RHOA: variants seen among roughly 807,000 people sequenced by gnomAD.
RHOA encodes the protein ras homolog family member A.
RHOA carries 3 observed loss-of-function variants against 17.5 expected under a neutral mutation model. That is an observed-to-expected ratio of 0.17 (90% confidence interval 0.08 to 0.44). RHOA has a LOEUF of 0.44. RHOA is among the 20% of genes least tolerant of loss of function. RHOA has a pLI of 0.99. For synonymous variants in RHOA, 98 were observed against 88.4 expected (o/e 1.11, Z -0.61); for missense variants, 56 against 242.3 (o/e 0.23, Z 5.10).
intron 1 of RHOA, among the ~76,000 whole-genome samples, chr3:49,408,344 C>A (rs6446270): frequency 0.98 from 148,390 of 152,044 alleles, 72,527 homozygotes; most frequent in Middle Eastern, 1. Context: ...TCATCCTCTT[C>A]AAAAAATAAA....
chr3:49,381,648 C>T (rs1338655761), intron 1 of RHOA, among the ~76,000 whole-genome samples: 1 of 151,542 alleles, frequency 6.6e-6, no homozygotes, highest in East Asian at 2.0e-4. Flanking sequence ...CTGTGGATCA[C>T]GATGTCAGGA....
chr3:49,397,641 G>A (rs1483772886), intron 1 of RHOA, among the ~76,000 whole-genome samples: 1 of 152,090 alleles, frequency 6.6e-6, no homozygotes, highest in Non-Finnish European at 1.5e-5. Context: ...ACTGCAGCTA[G>A]GTGGGGTATT....
intron 1 of RHOA, among the ~76,000 whole-genome samples, chr3:49,401,771 G>A (rs1251408069): frequency 1.3e-5 from 2 of 152,044 alleles, no homozygotes; most frequent in African/African-American, 2.4e-5. Flanking sequence ...TTCAGATTTT[G>A]GAATATCTGC....
chr3:49,400,204 T>TC (rs1198348296), intron 1 of RHOA, among the ~76,000 whole-genome samples: 2 of 103,086 alleles, frequency 1.9e-5, no homozygotes, highest in Admixed American at 1.2e-4. Flanking sequence ...AGAGCGAGAC[T>TC]CCATCTCAAA....
intron 1 of RHOA, among the ~76,000 whole-genome samples, chr3:49,396,088 A>G (rs72922927): frequency 6.6e-6 from 1 of 152,318 alleles, no homozygotes; most frequent in African/African-American, 2.4e-5. Context: ...ATGATAATGA[A>G]CACCAAGAAA....
intron 2 of RHOA, 50 bp downstream of exon 2, chr3:49,375,384 A>C: frequency 6.4e-7 from 1 of 1,551,758 alleles, no homozygotes; most frequent in Non-Finnish European, 8.7e-7. Context: ...ATGCTCCATA[A>C]ATATTCTAAC....
chr3:49,404,481 C>A (rs1318491451), intron 1 of RHOA, among the ~76,000 whole-genome samples: 1 of 99,558 alleles, frequency 1.0e-5, no homozygotes, highest in Non-Finnish European at 2.2e-5. Context: ...CATGGTGGCA[C>A]GCACCTGTAG....
chr3:49,363,395 G>A (rs571749579), intron 3 of RHOA, among the ~76,000 whole-genome samples: 6 of 152,100 alleles, frequency 3.9e-5, no homozygotes, highest in Non-Finnish European at 7.4e-5. Flanking sequence ...ACTCCTGGGC[G>A]ACAGAGCAAG....
At chr3:49,360,897 A>G in intron 4 of RHOA, 1 of 335,232 alleles carries the variant, frequency 3.0e-6, no homozygotes. Flanking sequence ...AACATGGTGA[A>G]ACCCCTCTTT....
intron 2 of RHOA, among the ~76,000 whole-genome samples, chr3:49,374,188 A>C (rs1376817817): frequency 6.6e-6 from 1 of 152,082 alleles, no homozygotes; most frequent in African/African-American, 2.4e-5. Flanking sequence ...GTCTCTACTA[A>C]AAATACAAAA....
chr3:49,408,036 G>A (rs1379331038), intron 1 of RHOA, among the ~76,000 whole-genome samples: 1 of 151,894 alleles, frequency 6.6e-6, no homozygotes, highest in Non-Finnish European at 1.5e-5. Context: ...GGCGCATGCT[G>A]GTACTCCCAA....
Position 49,368,516 on chromosome 3 carries a change from C to T in RHOA, c.189G>A (p.Gln63=), listed in dbSNP as rs2107838741. The part of the protein sequence containing the change: ...VELALWDTAG[Q]EDYDRLRPLS... Reference sequence around the variant, plus strand: ...GGGGCCTCAGGCGATCATAATCTTCCTGCCCAGCTGTGTCCCACAAAGCCA... The same window carrying T: ...GGGGCCTCAGGCGATCATAATCTTCTTGCCCAGCTGTGTCCCACAAAGCCA... Residue 63 remains glutamine (Q), a synonymous_variant, in exon 3 of 5, where the codon CAG becomes CAA. Coordinates refer to ENST00000418115, the MANE Select transcript of RHOA (RefSeq NM_001664.4). 1 of 1,613,966 alleles carries T rather than the reference C, an allele frequency of 6.2e-7. No individual in the cohort carries two copies. The highest frequency in any genetic ancestry group is 1.1e-5 in the South Asian group (1 of 91,084).
At chr3:49,400,021 A>T (rs1162891462) in intron 1 of RHOA, among the ~76,000 whole-genome samples, 2 of 151,520 alleles carry the variant, frequency 1.3e-5, no homozygotes, top group African/African-American at 2.4e-5. Context: ...GACCAGCCTG[A>T]CCAACAAGGT....
At chr3:49,405,889 T>TG (rs1256588820) in intron 1 of RHOA, among the ~76,000 whole-genome samples, 1 of 152,202 alleles carries the variant, frequency 6.6e-6, no homozygotes, top group African/African-American at 2.4e-5. Flanking sequence ...TTCACCATGT[T>TG]GGTCAGACTG....
At position 49,393,228 on chromosome 3, in the gene RHOA, T is replaced by C. The variant is rs559981715; in HGVS notation, c.-2-17637A>G. Among the ~76,000 whole-genome samples the C allele has an allele frequency of 3.3e-5, 5 of 152,068 alleles. No homozygotes were observed. In the South Asian group the frequency reaches 6.2e-4, roughly 19 times the overall value. On this transcript the variant is annotated intron_variant, in intron 1 of 4. Transcript: ENST00000418115. ...AATTCTAAGTGCTCCCATCCATCTTTTACGCTTCCTTCTTAGTCACTCTGC... is the reference window on the plus strand; with the variant it reads ...AATTCTAAGTGCTCCCATCCATCTTCTACGCTTCCTTCTTAGTCACTCTGC...
intron 1 of RHOA, among the ~76,000 whole-genome samples, chr3:49,395,107 CG>C (rs2048591798): frequency 6.6e-6 from 1 of 151,600 alleles, no homozygotes; most frequent in African/African-American, 2.4e-5. Flanking sequence ...AAAAAACAGC[CG>C]GGTGTGGTGG....
At chr3:49,369,523 A>C (rs776350952) in intron 2 of RHOA, among the ~76,000 whole-genome samples, 8 of 142,766 alleles carry the variant, frequency 5.6e-5, no homozygotes, top group Non-Finnish European at 1.2e-4. Flanking sequence ...GCCTGAGCTC[A>C]GGAGTTCGAG....
At chr3:49,404,737 T>C (rs2048793311) in intron 1 of RHOA, among the ~76,000 whole-genome samples, 1 of 142,762 alleles carries the variant, frequency 7.0e-6, no homozygotes, top group Non-Finnish European at 1.5e-5. Flanking sequence ...GAGACCAGCC[T>C]GGGCAACATG....
At chr3:49,362,094 G>A (rs2047982210) in intron 4 of RHOA, among the ~76,000 whole-genome samples, 1 of 151,928 alleles carries the variant, frequency 6.6e-6, no homozygotes, top group South Asian at 2.1e-4. Context: ...GTCTGAGGCA[G>A]AAGAATCGCT....
Sources: allele counts gnomAD v4.1 joint callset (sites outside exome capture counted in the v4.1 genomes callset), GRCh38; gene constraint gnomAD v4.1.1; transcripts MANE v1.5; gene names NCBI Gene and HGNC (gene_info 2026-07-23, HGNC 2026-07-21).